MYLK: variants seen among roughly 807,000 people sequenced by gnomAD.
The protein encoded by MYLK is myosin light chain kinase, smooth muscle.
In MYLK, 106 loss-of-function variants were observed where a neutral mutation model predicts 203.4. The ratio of observed to expected loss-of-function variants is 0.52; its 90% CI spans 0.45 to 0.61. The LOEUF is 0.61. MYLK is among the 20% of genes least tolerant of loss of function. MYLK has a pLI of 0.00. For missense variants in MYLK, 2,072 were observed against 2,442.3 expected (o/e 0.85, Z 3.20); for synonymous variants, 867 against 959.5 (o/e 0.90, Z 1.78).
At chr3:123,868,543 C>T (rs2032501306) in intron 2 of MYLK, among the ~76,000 whole-genome samples, 1 of 152,150 alleles carries the variant, frequency 6.6e-6, no homozygotes, top group Non-Finnish European at 1.5e-5. Flanking sequence ...GTTGTATTAT[C>T]CCTGATTCTT....
At chr3:123,742,532 A>T (rs769196298) in intron 5 of MYLK, among the ~76,000 whole-genome samples, 3 of 152,138 alleles carry the variant, frequency 2.0e-5, no homozygotes, top group Non-Finnish European at 4.4e-5. Flanking sequence ...TTGCAAAAAA[A>T]GGGGCAGGGA....
chr3:123,762,933 C>A (rs1047392908), intron 4 of MYLK, among the ~76,000 whole-genome samples: 1 of 152,172 alleles, frequency 6.6e-6, no homozygotes, highest in Non-Finnish European at 1.5e-5. Context: ...GTTATAGCAG[C>A]ACAAACTTTA....
intron 20 of MYLK, among the ~76,000 whole-genome samples, chr3:123,673,548 C>G (rs575436062): frequency 1.6e-4 from 25 of 152,226 alleles, no homozygotes; most frequent in African/African-American, 6.0e-4. Context: ...GTCAGTTCAG[C>G]CTTACACTAA....
chr3:123,694,976 T>TG (rs1473481493), intron 18 of MYLK, among the ~76,000 whole-genome samples: 1 of 152,194 alleles, frequency 6.6e-6, no homozygotes, highest in African/African-American at 2.4e-5. Flanking sequence ...ATGAGGGGGA[T>TG]GGGAGAGGTC....
Position 123,629,524 on chromosome 3 carries a change from G to A in MYLK, c.5064C>T (p.Ile1688=). Residue 1688 remains isoleucine (I), a synonymous_variant, in exon 30 of 34, where the codon ATC becomes ATT. Coordinates refer to ENST00000360304, the MANE Select transcript of MYLK (RefSeq NM_053025.4). This position sits in a 1 kb window ranked among gnomAD's most constrained non-coding sequence, Gnocchi z 4.4. ...TGATGAAATCCTTGGCATCGTCGGA[G>A]ATCTCATCGAATGCCTCGTCGTCGA... The part of the protein sequence containing the change: ...WDFDDEAFDE[I]SDDAKDFISN... 1 of 1,614,214 alleles carries A rather than the reference G, an allele frequency of 6.2e-7. No individual in the cohort carries two copies. The highest frequency in any genetic ancestry group is 8.5e-7 in the Non-Finnish European group (1 of 1,180,046).
chr3:123,878,867 A>G (rs551092929), intron 1 of MYLK, among the ~76,000 whole-genome samples: 2 of 152,254 alleles, frequency 1.3e-5, no homozygotes, highest in Admixed American at 6.5e-5. Flanking sequence ...TGGGATTTTT[A>G]GTAGAGATGG....
chr3:123,779,356 C>T (rs149113391), intron 4 of MYLK, among the ~76,000 whole-genome samples: 4 of 152,234 alleles, frequency 2.6e-5, no homozygotes, highest in African/African-American at 9.6e-5. Flanking sequence ...AGCCTAATGC[C>T]TTTTAAGTCA....
intron 12 of MYLK, 114 bp downstream of exon 12, chr3:123,725,830 C>T: frequency 6.8e-7 from 1 of 1,475,816 alleles, no homozygotes; most frequent in South Asian, 1.3e-5. Flanking sequence ...GTGCTTCCTT[C>T]TCATACCACC....
chr3:123,739,812 T>G (rs961360871), intron 6 of MYLK, 141 bp downstream of exon 6: 1 of 914,546 alleles, frequency 1.1e-6, no homozygotes, highest in African/African-American at 1.6e-5. Flanking sequence ...GCTGTGTAAA[T>G]GACACATCTC....
At chr3:123,647,114 T>C in intron 27 of MYLK, 110 bp downstream of exon 27, 1 of 971,208 alleles carries the variant, frequency 1.0e-6, no homozygotes, top group Non-Finnish European at 1.6e-6. Context: ...ATCACACTCC[T>C]GTCTGCAGTG....
At chr3:123,721,926 C>A (rs1248804481) in intron 13 of MYLK, among the ~76,000 whole-genome samples, 3 of 151,510 alleles carry the variant, frequency 2.0e-5, no homozygotes, top group Non-Finnish European at 4.4e-5. Flanking sequence ...TTTTAAGGAC[C>A]CTCTCCTCTG....
chr3:123,746,738 T>G (rs2063028630), intron 5 of MYLK, among the ~76,000 whole-genome samples: 1 of 152,222 alleles, frequency 6.6e-6, no homozygotes, highest in Non-Finnish European at 1.5e-5. Context: ...TCTATCACAT[T>G]TGTATTGTTA....
At chr3:123,825,697 A>G (rs2066092194) in intron 3 of MYLK, among the ~76,000 whole-genome samples, 1 of 152,178 alleles carries the variant, frequency 6.6e-6, no homozygotes. Context: ...ACCTTCCAGC[A>G]CTGGAGCTCC....
At chr3:123,863,368 CAAAAAAA>C (rs35039876) in intron 2 of MYLK, among the ~76,000 whole-genome samples, 1 of 29,898 alleles carries the variant, frequency 3.3e-5, no homozygotes, top group African/African-American at 1.1e-4. Context: ...ATAGCCTTGC[CAAAAAAA>C]AAAAAAAAAA....
chr3:123,664,555 C>T (rs968036680), intron 22 of MYLK, among the ~76,000 whole-genome samples: 28 of 152,170 alleles, frequency 1.8e-4, no homozygotes, highest in African/African-American at 6.8e-4. Context: ...TCTCCCTCTA[C>T]CTCTCTGGAA....
At chr3:123,865,474 G>C (rs2032265360) in intron 2 of MYLK, among the ~76,000 whole-genome samples, 1 of 152,212 alleles carries the variant, frequency 6.6e-6, no homozygotes, top group African/African-American at 2.4e-5. Context: ...TGCTAAGCCA[G>C]CCACAGAAAA....
At chr3:123,735,157 T>TA (rs2062630074) in intron 9 of MYLK, 1 of 573,246 alleles carries the variant, frequency 1.7e-6, no homozygotes, top group African/African-American at 1.9e-5. Context: ...ACTGTGTAGA[T>TA]ACTGTGAAAG....
In MYLK at chr3:123,700,131, T is replaced by C. The variant is rs766474525; in HGVS notation, c.3337A>G (p.Lys1113Glu). ...KLQDVHVAEG[K>E]KLLLQCQVSS... ...ACCTGGCACTGGAGCAGCAGCTTCT[T>C]GCCCTCTGCCACATGAACATCTTGC... Residue 1113 changes from lysine to glutamate, a missense_variant, in exon 18 of 34, where the codon AAG becomes GAG. Transcript: ENST00000360304. The C allele has an allele frequency of 6.2e-7, 1 of 1,613,848 alleles. No individual in the cohort carries two copies. The highest frequency in any genetic ancestry group is 2.2e-5 in the East Asian group (1 of 44,864).
Position 123,640,425 on chromosome 3 carries a change from G to GC in MYLK, c.4698dup (p.Arg1567AlafsTer65). On this transcript the variant is annotated frameshift_variant, in exon 28 of 34. Coordinates refer to ENST00000360304, the MANE Select transcript of MYLK (RefSeq NM_053025.4). LOFTEE classifies it high-confidence loss of function. This position sits in a 1 kb window ranked among gnomAD's most constrained non-coding sequence, Gnocchi z 4.3. ...TACTCCACTCCCTCCGAGATCTGCC[G>GC]CATGTACTTGATGCACTCACGCTCC... is the stretch of plus-strand genomic sequence containing the variant. 3 of 1,613,980 alleles carry GC rather than the reference G, an allele frequency of 1.9e-6. No homozygotes were observed. Among genetic ancestry groups the GC allele is most frequent in the Non-Finnish European group, 2.5e-6 (3 of 1,180,022 alleles).
Sources: gnomAD v4.1 joint callset for allele counts (sites outside exome capture counted in the v4.1 genomes callset) on GRCh38, gnomAD v4.1.1 for gene constraint, Gnocchi (gnomAD v3.1) non-coding constraint, MANE v1.5 for transcripts, NCBI Gene and HGNC (gene_info 2026-07-23, HGNC 2026-07-21) for gene names.